Variants in XRCC4 observed in about 807,000 individuals in gnomAD.
XRCC4 encodes the protein DNA repair protein XRCC4.
A neutral mutation model predicts 39.1 loss-of-function variants in XRCC4; 28 were observed. The ratio of observed to expected loss-of-function variants is 0.72; its 90% CI spans 0.53 to 0.98. The LOEUF is 0.98. Ranked by LOEUF, XRCC4 falls within the 50% of genes least tolerant of loss-of-function variation. The pLI is 0.00. For missense variants in XRCC4, 350 were observed against 376.4 expected (o/e 0.93, Z 0.58); for synonymous variants, 123 against 126.4 (o/e 0.97, Z 0.18).
chr5:83,363,921 T>G, the XRCC4 span, among the ~76,000 whole-genome samples: 1,487 of 152,322 alleles, frequency 9.8e-3, 16 homozygotes, highest in South Asian at 0.016. Flanking sequence ...CTGGAGTCTG[T>G]AGGTGCAACT....
At chr5:83,351,652 A>G (rs140880413) in intron 7 of XRCC4, among the ~76,000 whole-genome samples, 3 of 152,232 alleles carry the variant, frequency 2.0e-5, no homozygotes, top group African/African-American at 7.2e-5. Flanking sequence ...TAACATCGCA[A>G]ATCCCAGAGG....
rs59416363 is a variant in XRCC4, at chr5:83,217,358, C to CAAAAAAAAAAAAAAAAAA, written c.745+12439_745+12456dup. Among the ~76,000 whole-genome samples the CAAAAAAAAAAAAAAAAAA allele has an allele frequency of 1.6e-4, 15 of 96,170 alleles. 2 individuals are homozygous for CAAAAAAAAAAAAAAAAAA. The highest frequency in any genetic ancestry group is 7.1e-4 in the African/African-American group (15 of 21,226). The allele number at this position is 96,170 out of a possible 152,430, so 63.1% of individuals were successfully genotyped here. On this transcript the variant is annotated intron_variant, in intron 6 of 7. Coordinates refer to ENST00000396027, the MANE Select transcript of XRCC4 (RefSeq NM_003401.5). ...GGCAGCGCAGAGCAAGACTCCGTCT[C>CAAAAAAAAAAAAAAAAAA]AAAAAAAAAAAAAAAAAAACCATTG...
chr5:83,361,488 T>G, the XRCC4 span, among the ~76,000 whole-genome samples: 1 of 152,194 alleles, frequency 6.6e-6, no homozygotes, highest in Non-Finnish European at 1.5e-5. Context: ...TTATCTCCCT[T>G]TCTTTCATTT....
At chr5:83,163,562 A>T (rs1033339358) in intron 3 of XRCC4, among the ~76,000 whole-genome samples, 3 of 152,224 alleles carry the variant, frequency 2.0e-5, no homozygotes, top group African/African-American at 7.2e-5. Flanking sequence ...AGAAGACCAC[A>T]TGTAAGCATT....
At chr5:83,265,287 T>A (rs1753915541) in intron 7 of XRCC4, among the ~76,000 whole-genome samples, 1 of 152,190 alleles carries the variant, frequency 6.6e-6, no homozygotes, top group African/African-American at 2.4e-5. Flanking sequence ...AATGTTCAAT[T>A]GCTATATATT....
intron 7 of XRCC4, among the ~76,000 whole-genome samples, chr5:83,326,450 T>C (rs761077049): frequency 2.0e-5 from 3 of 152,088 alleles, no homozygotes; most frequent in Non-Finnish European, 4.4e-5. Context: ...TGAGAGTTTG[T>C]AACATGATGT....
intron 3 of XRCC4, among the ~76,000 whole-genome samples, chr5:83,172,743 T>G (rs1431448739): frequency 6.6e-6 from 1 of 152,138 alleles, no homozygotes; most frequent in Non-Finnish European, 1.5e-5. Flanking sequence ...AGGAAATCAT[T>G]TAATTCAAGA....
chr5:83,226,076 G>C (rs1277504508), intron 6 of XRCC4, among the ~76,000 whole-genome samples: 1 of 151,958 alleles, frequency 6.6e-6, no homozygotes, highest in African/African-American at 2.4e-5. Context: ...CCACTCCAGG[G>C]GATGAAGTCC....
intron 1 of XRCC4, among the ~76,000 whole-genome samples, chr5:83,081,295 T>A (rs1561311168): frequency 6.6e-6 from 1 of 152,224 alleles, no homozygotes; most frequent in Non-Finnish European, 1.5e-5. Flanking sequence ...TCATTCACTG[T>A]TATTCACATA....
intron 3 of XRCC4, among the ~76,000 whole-genome samples, chr5:83,132,214 T>A (rs1747629653): frequency 6.6e-6 from 1 of 152,176 alleles, no homozygotes; most frequent in Non-Finnish European, 1.5e-5. Context: ...TGGCCCCCAC[T>A]CTCTTCTGGC....
chr5:83,099,949 C>T (rs1056442084), intron 1 of XRCC4, among the ~76,000 whole-genome samples: 1 of 152,084 alleles, frequency 6.6e-6, no homozygotes, highest in African/African-American at 2.4e-5. Flanking sequence ...CATTCCAAGT[C>T]ATCTTTTTTT....
chr5:83,300,580 C>CT (rs70973390), intron 7 of XRCC4, among the ~76,000 whole-genome samples: 87,816 of 122,150 alleles, frequency 0.72, 31,605 homozygotes, highest in Non-Finnish European at 0.8. Context: ...GTGTGTGTCC[C>CT]TTTTTTTTTT....
chr5:83,267,870 C>T (rs528959502), intron 7 of XRCC4, among the ~76,000 whole-genome samples: 4 of 152,208 alleles, frequency 2.6e-5, no homozygotes. Context: ...AGATTGAGGA[C>T]AAATGCCTGT....
intron 7 of XRCC4, among the ~76,000 whole-genome samples, chr5:83,313,425 A>T (rs1228718647): frequency 6.6e-6 from 1 of 152,116 alleles, no homozygotes; most frequent in Non-Finnish European, 1.5e-5. Flanking sequence ...TCCATAGTAC[A>T]TGTAACCAGT....
At chr5:83,140,768 A>G (rs556826317) in intron 3 of XRCC4, among the ~76,000 whole-genome samples, 4 of 152,132 alleles carry the variant, frequency 2.6e-5, no homozygotes, top group African/African-American at 7.2e-5. Context: ...CTGTTTCTCA[A>G]TTTCATTTTG....
intron 3 of XRCC4, among the ~76,000 whole-genome samples, chr5:83,159,175 T>G (rs1749092090): frequency 6.6e-6 from 1 of 152,182 alleles, no homozygotes; most frequent in Non-Finnish European, 1.5e-5. Context: ...ATATTAAAAT[T>G]TTTCCATCTT....
intron 7 of XRCC4, chr5:83,311,058 G>C: frequency 3.9e-6 from 1 of 254,064 alleles, no homozygotes; most frequent in South Asian, 4.0e-5. Context: ...AATTTTTATT[G>C]TATTAAGCCA....
intron 2 of XRCC4, among the ~76,000 whole-genome samples, chr5:83,108,241 T>C (rs1746290373): frequency 6.6e-6 from 1 of 151,980 alleles, no homozygotes; most frequent in African/African-American, 2.4e-5. Flanking sequence ...CTATACTTTT[T>C]CCAGATGTTC....
In XRCC4 at chr5:83,088,736, G is replaced by A. The variant is rs28383132; in HGVS notation, c.-11+11121G>A. Among the ~76,000 whole-genome samples, 1,021 of 152,186 alleles carry A rather than the reference G, an allele frequency of 6.7e-3. 10 individuals are homozygous for A. Among genetic ancestry groups the A allele is most frequent in the African/African-American group, 0.024 (981 of 41,514 alleles). On this transcript the variant is annotated intron_variant, in intron 1 of 7. Transcript: ENST00000396027. ...CCTAATAAGAAAATTATTCATGATA[G>A]TTCTGTAGTTTGAAGATTGTTGATG...
Sources: allele counts gnomAD v4.1 joint callset (sites outside exome capture counted in the v4.1 genomes callset), GRCh38; gene constraint gnomAD v4.1.1; transcripts MANE v1.5; gene names NCBI Gene and HGNC (gene_info 2026-07-23, HGNC 2026-07-21).